PAM: variants seen among roughly 807,000 people sequenced by gnomAD.
PAM encodes peptidyl-glycine alpha-amidating monooxygenase.
PAM carries 72 observed loss-of-function variants against 122.1 expected under a neutral mutation model. The ratio of observed to expected loss-of-function variants is 0.59; its 90% CI spans 0.49 to 0.72. The LOEUF (loss-of-function observed/expected upper bound fraction) is 0.72. Ranked by LOEUF, PAM falls within the 30% of genes least tolerant of loss-of-function variation. PAM has a pLI of 0.00. For synonymous variants in PAM, 389 were observed against 404.4 expected (o/e 0.96, Z 0.46); for missense variants, 1,106 against 1,183.7 (o/e 0.93, Z 0.96).
At chr5:102,952,015 G>T (rs1311690590) in intron 12 of PAM, among the ~76,000 whole-genome samples, 1 of 151,932 alleles carries the variant, frequency 6.6e-6, no homozygotes, top group Non-Finnish European at 1.5e-5. Flanking sequence ...GATTCAGAGG[G>T]TATCCATCAG....
rs1447146008 is a variant in PAM at position 102,846,535 on chromosome 5, T to TAGGA, written c.-373-19288_-373-19287insAGGA. ...GGTTAGCTCAGATACAGCTTCCTCCTGGAAGCTGCCTGTCTCAGTCAGGCT... is the reference window on the plus strand; with the variant it reads ...GGTTAGCTCAGATACAGCTTCCTCCTAGGAGGAAGCTGCCTGTCTCAGTCAGGCT... On this transcript the variant is annotated intron_variant, in intron 1 of 25. Transcript: ENST00000438793. 1.6e-3 allele frequency among the ~76,000 whole-genome samples: 222 copies of TAGGA among 138,850 alleles called. 4 individuals are homozygous for TAGGA. Among genetic ancestry groups the TAGGA allele is most frequent in the Non-Finnish European group, 8.7e-4 (58 of 66,836 alleles). 91.1% of individuals were successfully genotyped at this position (138,850 alleles called of 152,430 possible). A position where few individuals can be genotyped will look rare whatever the true frequency, so the allele number is the denominator to read the frequency against.
At chr5:102,988,589 GAAGGA>G (rs1328351291) in intron 15 of PAM, among the ~76,000 whole-genome samples, 2 of 118,172 alleles carry the variant, frequency 1.7e-5, no homozygotes, top group African/African-American at 6.2e-5. Flanking sequence ...AGAAAAAAAA[GAAGGA>G]AAGGAAAGGG....
At chr5:103,017,185 C>A in intron 21 of PAM, 149 bp from the exon 22 acceptor site, 1 of 605,122 alleles carries the variant, frequency 1.7e-6, no homozygotes. Context: ...TCCCTTCAGC[C>A]TAGGGTTGCT....
chr5:102,768,552 G>A (rs1387062270), intron 1 of PAM, among the ~76,000 whole-genome samples: 1 of 151,946 alleles, frequency 6.6e-6, no homozygotes, highest in Non-Finnish European at 1.5e-5. Flanking sequence ...TCAATTGTTT[G>A]TATTTTTAGT....
chr5:102,949,871 A>G (rs1758217173), intron 10 of PAM, 31 bp from the exon 11 acceptor site: 21 of 1,143,510 alleles, frequency 1.8e-5, no homozygotes, highest in Non-Finnish European at 2.7e-5. Flanking sequence ...ACCTTATTAT[A>G]TTAAATGATT....
chr5:102,903,712 A>C (rs1798683138), intron 4 of PAM, among the ~76,000 whole-genome samples: 1 of 151,562 alleles, frequency 6.6e-6, no homozygotes. Flanking sequence ...AGGTTAAGGA[A>C]TCTGCCCAAG....
chr5:102,977,691 CACACACACAA>C (rs1253477570), intron 15 of PAM, among the ~76,000 whole-genome samples: 12 of 129,828 alleles, frequency 9.2e-5, no homozygotes, highest in Middle Eastern at 7.8e-3. Flanking sequence ...CACACACACA[CACACACACAA>C]AATACAGCTT....
intron 16 of PAM, among the ~76,000 whole-genome samples, chr5:102,991,950 G>A (rs1003173865): frequency 6.6e-6 from 1 of 152,034 alleles, no homozygotes. Flanking sequence ...CATTGATACT[G>A]TTTCAGCTGA....
chr5:102,892,232 A>C (rs774320733), intron 3 of PAM, among the ~76,000 whole-genome samples: 30 of 151,860 alleles, frequency 2.0e-4, no homozygotes, highest in Non-Finnish European at 3.5e-4. Context: ...CCATCTTGTG[A>C]TCATGAAGGG....
At chr5:103,000,280 A>G (rs1412461061) in intron 16 of PAM, among the ~76,000 whole-genome samples, 2 of 152,168 alleles carry the variant, frequency 1.3e-5, no homozygotes, top group Non-Finnish European at 2.9e-5. Flanking sequence ...GTTTGCTAAA[A>G]CATAGCAAGA....
At chr5:102,961,354 A>G (rs967723901) in intron 14 of PAM, 125 bp downstream of exon 14, 9 of 574,938 alleles carry the variant, frequency 1.6e-5, no homozygotes, top group Non-Finnish European at 2.9e-5. Context: ...ATGTATTGCT[A>G]TTTTTATACA....
At chr5:102,985,312 T>C (rs540611090) in intron 15 of PAM, among the ~76,000 whole-genome samples, 9 of 152,050 alleles carry the variant, frequency 5.9e-5, no homozygotes, top group Non-Finnish European at 1.2e-4. Flanking sequence ...ATGAGTAAAC[T>C]GCTAGCTAGA....
intron 2 of PAM, among the ~76,000 whole-genome samples, chr5:102,866,912 A>C (rs1484802347): frequency 3.3e-5 from 5 of 152,230 alleles, no homozygotes; most frequent in Non-Finnish European, 7.3e-5. Context: ...GATAATTTGT[A>C]ATGTATTAAT....
chr5:102,792,791 T>C (rs1581122629), intron 1 of PAM, among the ~76,000 whole-genome samples: 1 of 152,200 alleles, frequency 6.6e-6, no homozygotes, highest in South Asian at 2.1e-4. Context: ...TTTTTGAGGC[T>C]CCTACCACAG....
chr5:102,797,404 T>C (rs913820656), intron 1 of PAM, among the ~76,000 whole-genome samples: 2 of 152,198 alleles, frequency 1.3e-5, no homozygotes, highest in Non-Finnish European at 2.9e-5. Flanking sequence ...ACATTTAGAA[T>C]ATAACCTCAC....
chr5:102,820,287 A>C (rs1439351418), intron 1 of PAM, among the ~76,000 whole-genome samples: 1 of 152,162 alleles, frequency 6.6e-6, no homozygotes, highest in East Asian at 1.9e-4. Flanking sequence ...CTGTGTGTTG[A>C]ACCATTCATG....
intron 1 of PAM, among the ~76,000 whole-genome samples, chr5:102,817,678 A>C (rs929564801): frequency 4.0e-5 from 6 of 151,554 alleles, no homozygotes; most frequent in African/African-American, 1.5e-4. Context: ...TTGTCTCCTG[A>C]CTCCTGCGGT....
rs144074198 is a variant in PAM at position 102,981,638 on chromosome 5, C to A, written c.1483+7202C>A. Among the ~76,000 whole-genome samples the A allele has an allele frequency of 4.7e-4, 71 of 152,288 alleles. 1 individual carries two copies. The East Asian group carries it at 0.012, about 26-fold the overall frequency. On this transcript the variant is annotated intron_variant, in intron 15 of 25. Transcript: ENST00000438793. Reference sequence around the variant, plus strand: ...CCATGAATAAGGGATGATCCTTGCCCTTGAAGAATTCTGTCTAGTTGTAGC... The same window carrying A: ...CCATGAATAAGGGATGATCCTTGCCATTGAAGAATTCTGTCTAGTTGTAGC...
chr5:102,755,851 G>A (rs1159457193), intron 1 of PAM, among the ~76,000 whole-genome samples: 1 of 152,090 alleles, frequency 6.6e-6, no homozygotes, highest in Non-Finnish European at 1.5e-5. Context: ...GTGGGGGCGA[G>A]TGCCGGGAAG....
Sources: gnomAD v4.1 joint callset for allele counts (sites outside exome capture counted in the v4.1 genomes callset) on GRCh38, gnomAD v4.1.1 for gene constraint, MANE v1.5 for transcripts, NCBI Gene and HGNC (gene_info 2026-07-23, HGNC 2026-07-21) for gene names.